PLPPR4: variants seen among roughly 807,000 people sequenced by gnomAD.
PLPPR4 encodes the protein phospholipid phosphatase-related protein type 4.
In PLPPR4, 24 loss-of-function variants were observed where a neutral mutation model predicts 56.6. The observed-to-expected ratio is 0.42, with a 90% CI of 0.31 to 0.60. PLPPR4 has a LOEUF of 0.60. Ranked by LOEUF, PLPPR4 falls within the 20% of genes least tolerant of loss-of-function variation. The probability of loss-of-function intolerance (pLI) is 0.13; values close to 1 mark genes in which losing one functional copy is unlikely to be tolerated. For synonymous variants in PLPPR4, 326 were observed against 328.1 expected, an observed-to-expected ratio of 0.99 and a Z score of 0.07; for missense variants, 654 against 885.8, an observed-to-expected ratio of 0.74 and a Z score of 3.32.
intron 1 of PLPPR4, among the ~76,000 whole-genome samples, chr1:99,283,408 T>C (rs1659380111): frequency 6.6e-6 from 1 of 152,218 alleles, no homozygotes; most frequent in South Asian, 2.1e-4. Context: ...TTTGATAAAA[T>C]GTTTCACTAA....
At chr1:99,299,773 G>A (rs1468778825) in intron 4 of PLPPR4, among the ~76,000 whole-genome samples, 3 of 151,730 alleles carry the variant, frequency 2.0e-5, no homozygotes, top group African/African-American at 4.8e-5. Context: ...GAATGAACCC[G>A]GGTGTGCATA....
intron 1 of PLPPR4, among the ~76,000 whole-genome samples, chr1:99,287,580 C>T (rs951261231): frequency 6.6e-6 from 1 of 152,244 alleles, no homozygotes; most frequent in Non-Finnish European, 1.5e-5. Flanking sequence ...TAATAATTGC[C>T]ATTCTGACTG....
In PLPPR4 at chr1:99,268,330, C is replaced by T. The variant is rs571799768; in HGVS notation, c.78+3659C>T. ...CCCACATTGGCTCATCAGTTAGTGG[C>T]TAGTGCCCCTCAACAAGAACTCTGG... On this transcript the variant is annotated intron_variant, in intron 1 of 6. Coordinates refer to ENST00000370185, the MANE Select transcript of PLPPR4 (RefSeq NM_014839.5). Among the ~76,000 whole-genome samples the T allele has an allele frequency of 5.3e-5, 8 of 152,322 alleles. No homozygotes were observed. In the East Asian group the frequency reaches 1.3e-3, roughly 26 times the overall value.
chr1:99,269,953 T>G (rs1436749101), intron 1 of PLPPR4, among the ~76,000 whole-genome samples: 2 of 152,026 alleles, frequency 1.3e-5, no homozygotes, highest in Admixed American at 1.3e-4. Flanking sequence ...TCAGAATATT[T>G]TAATCTCAAA....
chr1:99,299,298 C>G, intron 4 of PLPPR4, 68 bp downstream of exon 4: 1 of 1,115,224 alleles, frequency 9.0e-7, no homozygotes, highest in Non-Finnish European at 1.3e-6. Flanking sequence ...TGGAGTATCA[C>G]TTTAAGCATG....
rs1659871250 is a variant in PLPPR4, at chr1:99,300,981, CT to C, written c.648+21del. 6.2e-7 allele frequency: 1 copy of C among 1,608,818 alleles called. No individual in the cohort carries two copies. Among genetic ancestry groups the C allele is most frequent in the South Asian group, 1.1e-5 (1 of 90,860 alleles). On this transcript the variant is annotated intron_variant, in intron 5 of 6. Transcript: ENST00000370185. ...TGTATGTTTCGGTAAGTAACTGGTT[CT>C]TTTTTGTTAAGTTGTGTTCTACAGA...
At chr1:99,266,948 T>C (rs1658915364) in intron 1 of PLPPR4, among the ~76,000 whole-genome samples, 1 of 152,254 alleles carries the variant, frequency 6.6e-6, no homozygotes, top group Admixed American at 6.5e-5. Flanking sequence ...GGAATTTGCA[T>C]GTTAGTAAAA....
At chr1:99,299,311 T>A in intron 4 of PLPPR4, 81 bp downstream of exon 4, 9 of 954,896 alleles carry the variant, frequency 9.4e-6, no homozygotes, top group South Asian at 7.3e-5. Flanking sequence ...TAAGCATGCC[T>A]CTTTCAGTCA....
rs1277042594 is a variant in PLPPR4 at position 99,305,681 on chromosome 1, C to T, written c.823-4C>T. On this transcript the variant is annotated splice_polypyrimidine_tract_variant and splice_region_variant and intron_variant, in intron 6 of 6. Coordinates refer to ENST00000370185, the MANE Select transcript of PLPPR4 (RefSeq NM_014839.5). ...GATATTTATTGCTTTCTCTCAAACA[C>T]TAGGGCTTGTATGCTGTGGGGAATT... 1 of 1,608,732 alleles carries T rather than the reference C, an allele frequency of 6.2e-7. No homozygotes were observed. Among genetic ancestry groups the T allele is most frequent in the Non-Finnish European group, 8.5e-7 (1 of 1,177,716 alleles).
intron 6 of PLPPR4, among the ~76,000 whole-genome samples, chr1:99,303,652 A>T (rs746471082): frequency 4.6e-5 from 7 of 152,234 alleles, no homozygotes; most frequent in African/African-American, 1.7e-4. Context: ...GAAAGGCATT[A>T]CAAGAAAATT....
intron 1 of PLPPR4, among the ~76,000 whole-genome samples, chr1:99,273,444 G>A (rs185415119): frequency 3.7e-4 from 56 of 152,144 alleles, no homozygotes; most frequent in African/African-American, 1.3e-3. Flanking sequence ...TGACTATATC[G>A]TTAACAATTT....
chr1:99,283,014 T>C (rs1659370143), intron 1 of PLPPR4, among the ~76,000 whole-genome samples: 1 of 148,592 alleles, frequency 6.7e-6, no homozygotes, highest in Admixed American at 6.8e-5. Flanking sequence ...ATATGAAATA[T>C]ATATTGTTTA....
chr1:99,298,899 T>G (rs1659811896), intron 3 of PLPPR4, 136 bp from the exon 4 acceptor site: 1 of 740,482 alleles, frequency 1.4e-6, no homozygotes, highest in Non-Finnish European at 2.4e-6. Context: ...GAATTTTCTA[T>G]ACTGTCTTCT....
rs115858966 is a variant in PLPPR4 at position 99,297,534 on chromosome 1, A to G, written c.394+667A>G. On this transcript the variant is annotated intron_variant, in intron 3 of 6. Transcript: ENST00000370185. Reference sequence around the variant, plus strand: ...ATATAGTTGAATAGTCACACACAATACATCACACTAACCTGAATGTTTTCT... The same window carrying G: ...ATATAGTTGAATAGTCACACACAATGCATCACACTAACCTGAATGTTTTCT... Among the ~76,000 whole-genome samples the G allele has an allele frequency of 8.2e-3, 1,251 of 152,202 alleles. 17 individuals carry two copies. Among genetic ancestry groups the G allele is most frequent in the African/African-American group, 0.029 (1,184 of 41,528 alleles).
At chr1:99,264,705 T>A (rs2100778766) in intron 1 of PLPPR4, 34 bp downstream of exon 1, 3 of 1,545,288 alleles carry the variant, frequency 1.9e-6, no homozygotes, top group East Asian at 2.4e-5. Context: ...ATAATGCAGA[T>A]CCTCTGGGCA....
At chr1:99,283,748 A>G (rs371100120) in intron 1 of PLPPR4, among the ~76,000 whole-genome samples, 20 of 152,292 alleles carry the variant, frequency 1.3e-4, no homozygotes, top group African/African-American at 2.4e-4. Context: ...TCAGGAGATC[A>G]AGACCATCCT....
chr1:99,284,615 T>C (rs926863401), intron 1 of PLPPR4, among the ~76,000 whole-genome samples: 1 of 151,490 alleles, frequency 6.6e-6, no homozygotes, highest in African/African-American at 2.4e-5. Context: ...CAAATGAAGG[T>C]TTTAAAACAT....
rs1489603788 is a variant in PLPPR4, at chr1:99,264,689, C to T, written c.78+18C>T. Reference sequence around the variant, plus strand: ...TCGTCGAGGTGAGTTGGCCCAGTGCCTTGGCATAATGCAGATCCTCTGGGC... The same window carrying T: ...TCGTCGAGGTGAGTTGGCCCAGTGCTTTGGCATAATGCAGATCCTCTGGGC... On this transcript the variant is annotated intron_variant, in intron 1 of 6. Transcript: ENST00000370185. 2 of 1,549,440 alleles carry T rather than the reference C, an allele frequency of 1.3e-6. No homozygotes were observed. The highest frequency in any genetic ancestry group is 1.4e-5 in the African/African-American group (1 of 73,040).
chr1:99,302,305 T>TGTGATCC lies in PLPPR4; in HGVS notation c.822+408_822+409insGTGATCC, dbSNP rs565237349. The stretch of plus-strand genomic sequence containing the variant: ...CACCTGAATGTAACTGTGATCCAAC[T>TGTGATCC]AATACTGACTTCTTTAACACTACTC... On this transcript the variant is annotated intron_variant, in intron 6 of 6. Coordinates refer to ENST00000370185, the MANE Select transcript of PLPPR4 (RefSeq NM_014839.5). Among the ~76,000 whole-genome samples the TGTGATCC allele has an allele frequency of 2.1e-3, 320 of 152,244 alleles. 2 individuals carry two copies. Among genetic ancestry groups the TGTGATCC allele is most frequent in the Non-Finnish European group, 2.7e-3 (182 of 67,994 alleles).
Sources: allele counts gnomAD v4.1 joint callset (sites outside exome capture counted in the v4.1 genomes callset), GRCh38; gene constraint gnomAD v4.1.1; transcripts MANE v1.5; gene names NCBI Gene and HGNC (gene_info 2026-07-23, HGNC 2026-07-21).